TOP3B: variants seen among roughly 807,000 people sequenced by gnomAD.
TOP3B encodes the protein DNA topoisomerase III beta.
A neutral mutation model predicts 93.9 loss-of-function variants in TOP3B; 45 were observed. The ratio of observed to expected loss-of-function variants is 0.48; its 90% CI spans 0.38 to 0.61. The LOEUF (loss-of-function observed/expected upper bound fraction) is 0.61. Among genes scored for constraint, TOP3B ranks in the 20% least tolerant of loss-of-function variants. TOP3B has a pLI of 0.00. For missense variants in TOP3B, 750 were observed against 1,156.1 expected, an observed-to-expected ratio of 0.65 and a Z score of 5.09; for synonymous variants, 357 against 472.6, an observed-to-expected ratio of 0.76 and a Z score of 3.17.
At chr22:21,976,096 C>A in intron 1 of TOP3B, 1 of 160,062 alleles carries the variant, frequency 6.2e-6, no homozygotes, top group Non-Finnish European at 1.4e-5. Context: ...TAGGAAGATG[C>A]TGGGGCCTGG....
chr22:21,970,306 T>C lies in TOP3B; in HGVS notation c.485A>G (p.Asn162Ser), dbSNP rs1032695380. ...FSSITDTDIC[N>S]AMACLGEPDH... The stretch of plus-strand genomic sequence containing the variant: ...AGGCTCGCCTAGGCAGGCCATGGCA[T>C]TACAGATGTCTGTGTCCGTGATGGA... Residue 162 changes from asparagine (N) to serine (S), a missense_variant, in exon 6 of 18, where the codon AAT becomes AGT. By Grantham distance (46) the Asn-to-Ser change is conservative. Coordinates refer to ENST00000357179, the MANE Select transcript of TOP3B (RefSeq NM_001282112.2). The surrounding 1 kb of genome is among the most constrained non-coding windows in gnomAD (Gnocchi z 4.4). 4.3e-6 allele frequency: 7 copies of C among 1,614,064 alleles called. No homozygotes were observed. Among genetic ancestry groups the C allele is most frequent in the Non-Finnish European group, 5.9e-6 (7 of 1,180,006 alleles).
intron 16 of TOP3B, 191 bp from the exon 17 acceptor site, chr22:21,958,884 T>A: frequency 9.1e-7 from 1 of 1,098,078 alleles, no homozygotes; most frequent in Non-Finnish European, 1.3e-6. Flanking sequence ...TCTCTGTGTG[T>A]ACATTAATGC....
At chr22:21,965,544 A>G (rs941027847) in intron 8 of TOP3B, 169 bp from the exon 9 acceptor site, 1 of 427,878 alleles carries the variant, frequency 2.3e-6, no homozygotes, top group Non-Finnish European at 4.1e-6. Context: ...CAGGACCAGG[A>G]AAGGAAAAAG....
intron 1 of TOP3B, 89 bp from the exon 2 acceptor site, chr22:21,975,896 A>G: frequency 1.1e-6 from 1 of 893,950 alleles, no homozygotes; most frequent in African/African-American, 1.7e-5. Context: ...AAGAAAAAAC[A>G]AGACCAACCT....
At chr22:21,964,627 C>T (rs2071342876) in intron 9 of TOP3B, 1 of 425,846 alleles carries the variant, frequency 2.3e-6, no homozygotes, top group African/African-American at 2.0e-5. Context: ...GACACATGGC[C>T]TTCAGAGCAC....
chr22:21,960,658 A>G, intron 13 of TOP3B: 1 of 654,762 alleles, frequency 1.5e-6, no homozygotes, highest in Non-Finnish European at 2.6e-6. Flanking sequence ...ACACAAGGGC[A>G]GCCCTCCCTG....
chr22:21,980,979 A>T (rs1030763513), intron 1 of TOP3B, among the ~76,000 whole-genome samples: 8 of 152,240 alleles, frequency 5.3e-5, no homozygotes, highest in African/African-American at 1.9e-4. Flanking sequence ...CCAAAATCAG[A>T]GGCCCAGAAG....
At chr22:21,960,154 C>G in intron 14 of TOP3B, 167 bp downstream of exon 14, 1 of 1,038,110 alleles carries the variant, frequency 9.6e-7, no homozygotes. Context: ...CTGGGCAGGT[C>G]CTGGGGGTCC....
rs747981638 is a variant in TOP3B, at chr22:21,972,679, A to T, written c.242T>A (p.Leu81Gln). The change falls in exon 4 of 18, where the codon CTG becomes CAG. Residue 81 changes from leucine (L) to glutamine (Q), a missense_variant. Transcript: ENST00000357179. ...NKWDKVDPAE[L>Q]FSQAPTEKKE... Reference sequence around the variant, plus strand: ...CTTCTCCGTGGGAGCTTGGCTGAACAGTTCTGCGGGGTCCACTTTGTCCCA... The same window carrying T: ...CTTCTCCGTGGGAGCTTGGCTGAACTGTTCTGCGGGGTCCACTTTGTCCCA... The T allele has an allele frequency of 6.2e-7, 1 of 1,613,674 alleles. No homozygotes were observed. Among genetic ancestry groups the T allele is most frequent in the Non-Finnish European group, 8.5e-7 (1 of 1,179,894 alleles).
At chr22:21,972,051 G>T in intron 4 of TOP3B, 100 bp from the exon 5 acceptor site, 2 of 1,026,942 alleles carry the variant, frequency 1.9e-6, no homozygotes, top group South Asian at 1.6e-5. Context: ...CCCAGGCCCT[G>T]AACCTCAGTT....
intron 13 of TOP3B, chr22:21,962,012 T>G: frequency 1.2e-6 from 1 of 838,680 alleles, no homozygotes; most frequent in Non-Finnish European, 1.6e-6. Context: ...GGCATTTCTG[T>G]TCTCTCCCAG....
intron 9 of TOP3B, 79 bp from the exon 10 acceptor site, chr22:21,964,394 T>A (rs2071332516): frequency 6.5e-7 from 1 of 1,549,504 alleles, no homozygotes; most frequent in African/African-American, 1.4e-5. Flanking sequence ...GCACTCAGGC[T>A]CCCCCATTGT....
Position 21,960,585 on chromosome 22 carries a change from C to G in TOP3B, c.1526-136G>C, listed in dbSNP as rs976042228. ...CCCGGTCACAGGAGGGAGGGCTGTG[C>G]CCTGAGCTCCCCCTGCACTGTGCTG... is the stretch of plus-strand genomic sequence containing the variant. On this transcript the variant is annotated intron_variant, in intron 13 of 17. Transcript: ENST00000357179. 3.3e-6 allele frequency: 4 copies of G among 1,196,338 alleles called. No individual in the cohort carries two copies. In the African/African-American group the frequency reaches 6.0e-5, roughly 18 times the overall value. 74.1% of individuals were successfully genotyped at this position (1,196,338 alleles called of 1,614,324 possible).
chr22:21,963,058 G>T lies in TOP3B; in HGVS notation c.1205-165C>A. ...GAAAGAAAATGTGCAGGAAGGCCGG[G>T]CGTGGTGGCTCATGCCTGTAATCCT... On this transcript the variant is annotated intron_variant, in intron 11 of 17. Transcript: ENST00000357179. This position sits in a 1 kb window ranked among gnomAD's most constrained non-coding sequence, Gnocchi z 4.8. 1.3e-6 allele frequency: 1 copy of T among 799,540 alleles called. No individual in the cohort carries two copies. The highest frequency in any genetic ancestry group is 2.0e-6 in the Non-Finnish European group (1 of 499,772). 49.5% of individuals were successfully genotyped at this position (799,540 alleles called of 1,614,324 possible).
intron 1 of TOP3B, among the ~76,000 whole-genome samples, chr22:21,979,088 G>A (rs1480907144): frequency 6.6e-6 from 1 of 152,094 alleles, no homozygotes; most frequent in Non-Finnish European, 1.5e-5. Context: ...GTGATGCTGC[G>A]GGCAGGCCCA....
chr22:21,968,920 G>C, intron 6 of TOP3B, 145 bp from the exon 7 acceptor site: 1 of 807,382 alleles, frequency 1.2e-6, no homozygotes, highest in Admixed American at 2.1e-5. Flanking sequence ...AGTGGGAGCA[G>C]AGTGGGCATA....
chr22:21,971,176 G>A lies in TOP3B; in HGVS notation c.384+701C>T, dbSNP rs1329117004. The stretch of plus-strand genomic sequence containing the variant: ...GGGTATCTGGGAAGAGACAGAGTGT[G>A]ATCGCATTTGCTGAGGGTGCTGTAC... On this transcript the variant is annotated intron_variant, in intron 5 of 17. Coordinates refer to ENST00000357179, the MANE Select transcript of TOP3B (RefSeq NM_001282112.2). This position sits in a 1 kb window ranked among gnomAD's most constrained non-coding sequence, Gnocchi z 4.6. 8.0e-6 allele frequency: 5 copies of A among 628,602 alleles called. No homozygotes were observed. Among genetic ancestry groups the A allele is most frequent in the African/African-American group, 5.8e-5 (3 of 51,580 alleles). 38.9% of individuals were successfully genotyped at this position (628,602 alleles called of 1,614,324 possible).
In TOP3B at chr22:21,962,592, C is replaced by G. The variant is rs753337546; in HGVS notation, c.1362G>C (p.Glu454Asp). ...GGGGCACGCTCTGCCAGGGCATGAC[C>G]TCCGTGAAGCCTGGAGAGATATGCG... Reference protein sequence around the residue: ...GKTVLSPGFTEVMPWQSVPLE... With the variant: ...GKTVLSPGFTDVMPWQSVPLE... Residue 454 changes from glutamate to aspartate, a missense_variant, in exon 13 of 18, where the codon GAG (glutamate) becomes GAC (aspartate). Physicochemically the swap from Glu to Asp is conservative, Grantham distance 45 (BLOSUM62 2). Transcript: ENST00000357179. 6.2e-7 allele frequency: 1 copy of G among 1,613,066 alleles called. No homozygotes were observed. Among genetic ancestry groups the G allele is most frequent in the South Asian group, 1.1e-5 (1 of 91,060 alleles).
chr22:21,959,529 G>A (rs1288126279), intron 15 of TOP3B, 58 bp downstream of exon 15: 1 of 1,549,664 alleles, frequency 6.5e-7, no homozygotes, highest in Non-Finnish European at 8.7e-7. Flanking sequence ...CCCAGGTACT[G>A]GCCTTGCTGA....
Sources: allele counts gnomAD v4.1 joint callset (sites outside exome capture counted in the v4.1 genomes callset), GRCh38; gene constraint gnomAD v4.1.1; non-coding constraint Gnocchi (gnomAD v3.1); transcripts MANE v1.5; gene names NCBI Gene and HGNC (gene_info 2026-07-23, HGNC 2026-07-21).